ATG7: variants seen among roughly 807,000 people sequenced by gnomAD.
ATG7 encodes the protein autophagy related 7.
A neutral mutation model predicts 82.4 loss-of-function variants in ATG7; 70 were observed. That is an observed-to-expected ratio of 0.85 (90% CI 0.70 to 1.04). The LOEUF (loss-of-function observed/expected upper bound fraction) is 1.04, where lower values mean the gene tolerates loss of function less well. Ranked by LOEUF, ATG7 falls within the 50% of genes least tolerant of loss-of-function variation. ATG7 has a pLI of 0.00. For missense variants in ATG7, 792 were observed against 864.3 expected (o/e 0.92, Z 1.05); for synonymous variants, 287 against 313.0 (o/e 0.92, Z 0.88).
chr3:11,416,697 G>A (rs573234630), intron 19 of ATG7, among the ~76,000 whole-genome samples: 10 of 152,214 alleles, frequency 6.6e-5, no homozygotes, highest in African/African-American at 2.4e-4. Context: ...TCTGTTTTCA[G>A]TGTCATTGAT....
chr3:11,530,860 A>G (rs2092681419), intron 20 of ATG7, among the ~76,000 whole-genome samples: 2 of 152,204 alleles, frequency 1.3e-5, no homozygotes, highest in African/African-American at 4.8e-5. Context: ...GCACACCTGT[A>G]ATCACAGCTA....
intron 20 of ATG7, among the ~76,000 whole-genome samples, chr3:11,515,334 C>T (rs534672077): frequency 1.5e-4 from 22 of 142,306 alleles, no homozygotes; most frequent in Admixed American, 1.1e-3. Context: ...GACAGAGTCT[C>T]GCTCTGTTGC....
At position 11,298,864 on chromosome 3, in the gene ATG7, T is replaced by C. The variant is rs1160579023; in HGVS notation, c.160+9T>C. The C allele has an allele frequency of 1.9e-6, 3 of 1,613,888 alleles. No individual in the cohort carries two copies. The highest frequency in any genetic ancestry group is 1.1e-5 in the South Asian group (1 of 91,044). On this transcript the variant is annotated intron_variant, in intron 4 of 20. Coordinates refer to ENST00000693202, the MANE Select transcript of ATG7 (RefSeq NM_001349232.2). Reference sequence around the variant, plus strand: ...GGGTTATTACTACAATGGTAGGTGATTGTAAATTTCATTTTCCATCATCTT... The same window carrying C: ...GGGTTATTACTACAATGGTAGGTGACTGTAAATTTCATTTTCCATCATCTT...
chr3:11,533,253 C>T (rs919893794), intron 20 of ATG7, among the ~76,000 whole-genome samples: 1 of 152,110 alleles, frequency 6.6e-6, no homozygotes, highest in Non-Finnish European at 1.5e-5. Context: ...TCATCATCAC[C>T]GTGAGTGTTC....
intron 8 of ATG7, 64 bp from the exon 9 acceptor site, chr3:11,315,280 A>G (rs1374009099): frequency 6.6e-6 from 9 of 1,371,782 alleles, no homozygotes; most frequent in Non-Finnish European, 8.6e-6. Context: ...TTTTTGAGTT[A>G]GTTTTTAGCC....
At chr3:11,302,138 C>A (rs895669550) in intron 5 of ATG7, among the ~76,000 whole-genome samples, 5 of 152,180 alleles carry the variant, frequency 3.3e-5, no homozygotes, top group Non-Finnish European at 5.9e-5. Context: ...ATGTGGTCCC[C>A]ATTGTGTGAA....
intron 1 of ATG7, among the ~76,000 whole-genome samples, chr3:11,280,336 G>C (rs1324654875): frequency 7.9e-5 from 12 of 152,156 alleles, no homozygotes; most frequent in Non-Finnish European, 1.8e-4. Context: ...GCATTTTCTA[G>C]TTGAATCTTC....
At chr3:11,570,671 G>A in the ATG7 span, among the ~76,000 whole-genome samples, 1 of 152,194 alleles carries the variant, frequency 6.6e-6, no homozygotes, top group African/African-American at 2.4e-5. Context: ...GAAAATGACT[G>A]GTGGCAAAGA....
chr3:11,523,161 G>T (rs2092485245), intron 20 of ATG7, among the ~76,000 whole-genome samples: 1 of 152,188 alleles, frequency 6.6e-6, no homozygotes, highest in South Asian at 2.1e-4. Context: ...CAGGTTGTAA[G>T]GATTAGTCAG....
At chr3:11,554,389 G>A (rs1249711178) in intron 20 of ATG7, among the ~76,000 whole-genome samples, 1 of 152,176 alleles carries the variant, frequency 6.6e-6, no homozygotes, top group Non-Finnish European at 1.5e-5. Context: ...TCCCAAGGCA[G>A]CACGTGCCCA....
chr3:11,306,880 G>T, intron 5 of ATG7, 63 bp from the exon 6 acceptor site: 1 of 1,301,734 alleles, frequency 7.7e-7, no homozygotes, highest in South Asian at 1.2e-5. Flanking sequence ...AGTGGTGGTT[G>T]ACTTGTCTCT....
intron 20 of ATG7, among the ~76,000 whole-genome samples, chr3:11,471,310 C>G (rs1316372354): frequency 2.6e-5 from 4 of 152,136 alleles, no homozygotes; most frequent in Non-Finnish European, 4.4e-5. Context: ...TGGCAAACAC[C>G]TACTTGGTCT....
intron 20 of ATG7, among the ~76,000 whole-genome samples, chr3:11,542,002 G>A (rs562398860): frequency 3.2e-4 from 49 of 152,290 alleles, no homozygotes; most frequent in African/African-American, 1.1e-3. Flanking sequence ...AATGTGTTTC[G>A]AAGCCTGGAA....
chr3:11,492,343 A>G (rs1406011230), intron 20 of ATG7, among the ~76,000 whole-genome samples: 1 of 152,078 alleles, frequency 6.6e-6, no homozygotes, highest in Non-Finnish European at 1.5e-5. Flanking sequence ...CTCTGCATAC[A>G]CTGTCCTGCG....
intron 20 of ATG7, among the ~76,000 whole-genome samples, chr3:11,441,605 G>A (rs1432329457): frequency 2.7e-5 from 4 of 150,216 alleles, no homozygotes; most frequent in Non-Finnish European, 4.4e-5. Context: ...ACAAGTTTCT[G>A]TACCCAAATA....
chr3:11,476,971 C>G (rs2088324625), intron 20 of ATG7, among the ~76,000 whole-genome samples: 1 of 152,176 alleles, frequency 6.6e-6, no homozygotes, highest in Non-Finnish European at 1.5e-5. Context: ...GGCACCTTTC[C>G]AGTTTTCCTT....
At chr3:11,390,664 T>C (rs1388992476) in intron 19 of ATG7, among the ~76,000 whole-genome samples, 1 of 92,764 alleles carries the variant, frequency 1.1e-5, no homozygotes, top group East Asian at 4.6e-4. Flanking sequence ...CCTTTGTGGG[T>C]GGGTTTGATT....
At chr3:11,546,257 T>C (rs2071284006) in intron 20 of ATG7, among the ~76,000 whole-genome samples, 1 of 142,720 alleles carries the variant, frequency 7.0e-6, no homozygotes, top group Non-Finnish European at 1.5e-5. Flanking sequence ...CTGCAACCTC[T>C]TCCTTCCGGG....
At chr3:11,540,014 A>T (rs2070691870) in intron 20 of ATG7, among the ~76,000 whole-genome samples, 1 of 152,258 alleles carries the variant, frequency 6.6e-6, no homozygotes, top group Non-Finnish European at 1.5e-5. Flanking sequence ...AGCTGTTATA[A>T]ATGAAGCTCT....
Sources: allele counts gnomAD v4.1 joint callset (sites outside exome capture counted in the v4.1 genomes callset), GRCh38; gene constraint gnomAD v4.1.1; transcripts MANE v1.5; gene names NCBI Gene and HGNC (gene_info 2026-07-23, HGNC 2026-07-21).